MPPED2: variants seen among roughly 807,000 people sequenced by gnomAD.
MPPED2 encodes metallophosphoesterase domain containing 2.
Under a neutral mutation model 33.0 loss-of-function variants are expected in MPPED2, and 5 were observed. That is an observed-to-expected ratio of 0.15 (90% CI 0.08 to 0.32). The LOEUF is 0.32. Ranked by LOEUF, MPPED2 falls within the 10% of genes least tolerant of loss-of-function variation. MPPED2 has a pLI of 1.00. For missense variants in MPPED2, 275 were observed against 372.1 expected (o/e 0.74, Z 2.15); for synonymous variants, 136 against 141.9 (o/e 0.96, Z 0.29).
intron 2 of MPPED2, among the ~76,000 whole-genome samples, chr11:30,551,419 C>G (rs1315551518): frequency 6.6e-6 from 1 of 152,140 alleles, no homozygotes; most frequent in Non-Finnish European, 1.5e-5. Context: ...TACCTATAGT[C>G]CCTCCCTGTC....
intron 6 of MPPED2, among the ~76,000 whole-genome samples, chr11:30,391,309 CT>C (rs932509034): frequency 6.6e-6 from 1 of 152,132 alleles, no homozygotes; most frequent in Non-Finnish European, 1.5e-5. Flanking sequence ...TCATTTCAGT[CT>C]TTGTCTTGCA....
rs191495721 is a variant in MPPED2, at chr11:30,574,484, T to C, written c.128+5762A>G. Among the ~76,000 whole-genome samples the C allele has an allele frequency of 2.0e-5, 3 of 152,344 alleles. No individual in the cohort carries two copies. In the East Asian group the frequency reaches 5.8e-4, roughly 29 times the overall value. On this transcript the variant is annotated intron_variant, in intron 2 of 6. Coordinates refer to ENST00000358117, the MANE Select transcript of MPPED2 (RefSeq NM_001584.3). The stretch of plus-strand genomic sequence containing the variant: ...CGCCTAGAAGATGCATTTCTCAGAA[T>C]GTATCCCTGTCATTAAGTGACACCA...
At chr11:30,440,154 A>ACCC in intron 4 of MPPED2, among the ~76,000 whole-genome samples, 1 of 152,026 alleles carries the variant, frequency 6.6e-6, no homozygotes, top group East Asian at 1.9e-4. Context: ...ACATGGTGAA[A>ACCC]CCCCGTCTCT....
Position 30,481,169 on chromosome 11 carries a change from C to A in MPPED2, c.536+14127G>T, listed in dbSNP as rs75934493. On this transcript the variant is annotated intron_variant, in intron 4 of 6. Transcript: ENST00000358117. ...CACATAAAATTTTATTAATAGGCGA[C>A]CTTTCCTTGACACCATGCTTCTAGA... Among the ~76,000 whole-genome samples the A allele has an allele frequency of 7.8e-3, 1,187 of 152,182 alleles. 13 individuals carry two copies. Among genetic ancestry groups the A allele is most frequent in the African/African-American group, 0.027 (1,139 of 41,538 alleles).
At chr11:30,407,883 A>G (rs1032210151), downstream of MPPED2, among the ~76,000 whole-genome samples, 5 of 149,992 alleles carry the variant, frequency 3.3e-5, no homozygotes, top group Non-Finnish European at 1.5e-5. Flanking sequence ...AAATAAGTAA[A>G]TAAATAAATA....
intron 4 of MPPED2, among the ~76,000 whole-genome samples, chr11:30,466,219 C>G (rs1274024317): frequency 2.0e-5 from 3 of 152,222 alleles, no homozygotes; most frequent in Non-Finnish European, 4.4e-5. Flanking sequence ...TTCTGACCTA[C>G]AAATTTTAGT....
chr11:30,493,298 A>G (rs952517941), intron 4 of MPPED2, among the ~76,000 whole-genome samples: 3 of 151,026 alleles, frequency 2.0e-5, no homozygotes, highest in Non-Finnish European at 4.4e-5. Context: ...GTGAACCCGG[A>G]AGGCGGAGCT....
At chr11:30,557,359 A>G (rs1956022142) in intron 2 of MPPED2, among the ~76,000 whole-genome samples, 1 of 151,790 alleles carries the variant, frequency 6.6e-6, no homozygotes, top group African/African-American at 2.4e-5. Flanking sequence ...ATCATTTCCT[A>G]TAATGCAAAA....
At chr11:30,385,855 C>A (rs965919558) in exon 7 of MPPED2, 1 of 152,128 alleles carries the variant, frequency 6.6e-6, no homozygotes, top group African/African-American at 2.4e-5. Flanking sequence ...CTGTTGTCAC[C>A]CTCCTTAATG....
At chr11:30,492,907 A>G (rs536604606) in intron 4 of MPPED2, among the ~76,000 whole-genome samples, 216 of 152,312 alleles carry the variant, frequency 1.4e-3, no homozygotes, top group African/African-American at 4.8e-3. Flanking sequence ...TATCTGCCAA[A>G]TGAGAATCAT....
intron 4 of MPPED2, among the ~76,000 whole-genome samples, chr11:30,479,931 G>A (rs1239377536): frequency 6.6e-6 from 1 of 152,084 alleles, no homozygotes; most frequent in African/African-American, 2.4e-5. Flanking sequence ...TTTGGGGGAA[G>A]GTAATCCTAA....
chr11:30,584,707 C>G (rs1036681279), intron 1 of MPPED2: 1 of 152,536 alleles, frequency 6.6e-6, no homozygotes, highest in African/African-American at 2.4e-5. Flanking sequence ...TTGGCATCCC[C>G]GAACCCACAG....
At chr11:30,456,909 G>T (rs1950303421) in intron 4 of MPPED2, among the ~76,000 whole-genome samples, 1 of 152,088 alleles carries the variant, frequency 6.6e-6, no homozygotes, top group Non-Finnish European at 1.5e-5. Context: ...GAACAAAAAT[G>T]GTTTGGAATG....
At chr11:30,421,398 T>C (rs1004255215) in intron 4 of MPPED2, among the ~76,000 whole-genome samples, 4 of 151,994 alleles carry the variant, frequency 2.6e-5, no homozygotes, top group African/African-American at 7.2e-5. Context: ...AAGTTAAGGA[T>C]GAAGTTTAAC....
intron 3 of MPPED2, among the ~76,000 whole-genome samples, chr11:30,527,207 G>A (rs891252406): frequency 1.3e-5 from 2 of 152,022 alleles, no homozygotes; most frequent in Non-Finnish European, 2.9e-5. Context: ...TGGGATTACA[G>A]GTGTGAGCCA....
chr11:30,485,571 T>G (rs928244037), intron 4 of MPPED2, among the ~76,000 whole-genome samples: 1 of 119,252 alleles, frequency 8.4e-6, no homozygotes, highest in African/African-American at 2.7e-5. Context: ...ACTGCCTCCC[T>G]CCTTCTGTAA....
chr11:30,404,963 C>T (rs533407), intron 6 of MPPED2, among the ~76,000 whole-genome samples: 100,193 of 151,932 alleles, frequency 0.66, 33,745 homozygotes, highest in Non-Finnish European at 0.74. Flanking sequence ...TGGTCTCTGA[C>T]CTTGGGGAGC....
chr11:30,492,987 A>T (rs1952051180), intron 4 of MPPED2, among the ~76,000 whole-genome samples: 1 of 152,226 alleles, frequency 6.6e-6, no homozygotes, highest in South Asian at 2.1e-4. Flanking sequence ...AATGTAGGAC[A>T]ATGCCTGGCA....
At chr11:30,449,096 C>A (rs185867376) in intron 4 of MPPED2, among the ~76,000 whole-genome samples, 7 of 152,304 alleles carry the variant, frequency 4.6e-5, no homozygotes, top group Admixed American at 3.9e-4. Context: ...TTTACCACAG[C>A]AGGGATTGTG....
Sources: allele counts gnomAD v4.1 joint callset (sites outside exome capture counted in the v4.1 genomes callset), GRCh38; gene constraint gnomAD v4.1.1; transcripts MANE v1.5; gene names NCBI Gene and HGNC (gene_info 2026-07-23, HGNC 2026-07-21).